Variants in GRIK3 observed in about 807,000 individuals in gnomAD.
The protein encoded by GRIK3 is glutamate receptor ionotropic, kainate 3.
GRIK3 carries 29 observed loss-of-function variants against 102.5 expected under a neutral mutation model. The observed-to-expected ratio is 0.28, with a 90% CI of 0.21 to 0.39. The LOEUF (loss-of-function observed/expected upper bound fraction) is 0.39. GRIK3 is among the 10% of genes least tolerant of loss of function. GRIK3 has a pLI of 1.00. For synonymous variants in GRIK3, 511 were observed against 504.9 expected (o/e 1.01, Z -0.16); for missense variants, 908 against 1,252.4 (o/e 0.73, Z 4.15).
At chr1:36,941,350 A>T (rs1641717175) in intron 1 of GRIK3, among the ~76,000 whole-genome samples, 1 of 152,236 alleles carries the variant, frequency 6.6e-6, no homozygotes, top group South Asian at 2.1e-4. Flanking sequence ...CTGTTGGCTG[A>T]TTCCCTCTTT....
chr1:36,860,008 C>T lies in GRIK3; in HGVS notation c.796G>A (p.Ala266Thr), dbSNP rs116738895. The change falls in exon 6 of 16, where the codon GCT becomes ACT. Residue 266 changes from alanine (A) to threonine (T), a missense_variant. Transcript: ENST00000373091. Reference protein sequence around the residue: ...HFIFTTLDLYALDLEPYRYSG... With the variant: ...HFIFTTLDLYTLDLEPYRYSG... ...TAGCGGTAGGGCTCCAGGTCTAAAG[C>T]GTAGAGATCCTGGATAGAGAGAGGT... 2.6e-4 allele frequency: 421 copies of T among 1,592,114 alleles called. 3 individuals carry two copies. In the African/African-American group the frequency reaches 4.9e-3, roughly 18 times the overall value.
rs770969345 is a variant in GRIK3 at position 36,806,305 on chromosome 1, C to T, written c.2113G>A (p.Glu705Lys). The T allele has an allele frequency of 5.6e-6, 9 of 1,613,448 alleles. No individual in the cohort carries two copies. The highest frequency in any genetic ancestry group is 2.7e-5 in the African/African-American group (2 of 74,926). The change falls in exon 14 of 16, where the codon GAG becomes AAG. Residue 705 changes from glutamate (E) to lysine (K), a missense_variant. Glu to Lys is a moderately conservative substitution (Grantham distance 56, BLOSUM62 1). This residue lies in a region of GRIK3 where 297 missense variants were observed against 362.7 expected (regional missense o/e 0.82). Transcript: ENST00000373091. This position sits in a 1 kb window ranked among gnomAD's most constrained non-coding sequence, Gnocchi z 4.0. ...CTGCTCATGAAGGCCCACATCTTCT[C>T]GAAGGTGGAGATCTTGGATTTCTGG... ...FFKKSKISTF[E>K]KMWAFMSSKP...
chr1:36,821,001 T>C (rs996544142), intron 11 of GRIK3, among the ~76,000 whole-genome samples: 3 of 152,080 alleles, frequency 2.0e-5, no homozygotes, highest in Admixed American at 6.5e-5. Flanking sequence ...TCTAGATTTG[T>C]GGGGGAGGTT....
At chr1:36,804,722 A>C (rs2124175959) in intron 15 of GRIK3, 1 of 553,930 alleles carries the variant, frequency 1.8e-6, no homozygotes, top group South Asian at 2.6e-5. Flanking sequence ...TTGGGGAAGC[A>C]TGGAGGCTGG....
At chr1:36,982,610 C>A (rs1642261532) in intron 1 of GRIK3, among the ~76,000 whole-genome samples, 1 of 152,162 alleles carries the variant, frequency 6.6e-6, no homozygotes, top group South Asian at 2.1e-4. Context: ...TCCCATGGGT[C>A]TGCAGGGAAG....
rs566478411 is a variant in GRIK3, at chr1:36,893,039, T to C, written c.116-1943A>G. Among the ~76,000 whole-genome samples the C allele has an allele frequency of 2.0e-5, 3 of 152,236 alleles. No homozygotes were observed. In the East Asian group the frequency reaches 5.8e-4, roughly 29 times the overall value. On this transcript the variant is annotated intron_variant, in intron 1 of 15. Transcript: ENST00000373091. ...AAATAAATTCCAGATAAATTAAAGA[T>C]TAATGGCAAATGGGTAAGGGGAGGA...
chr1:36,840,939 T>A (rs1640441735), intron 10 of GRIK3, among the ~76,000 whole-genome samples: 1 of 152,056 alleles, frequency 6.6e-6, no homozygotes, highest in Admixed American at 6.6e-5. Context: ...ATGACAACAA[T>A]CGCGTGAGGA....
intron 1 of GRIK3, among the ~76,000 whole-genome samples, chr1:36,904,962 T>C (rs1411941155): frequency 6.6e-6 from 1 of 152,190 alleles, no homozygotes; most frequent in Non-Finnish European, 1.5e-5. Flanking sequence ...CAATTAATAC[T>C]ACTTGCAGAT....
At chr1:36,881,466 A>T (rs571238427) in intron 2 of GRIK3, among the ~76,000 whole-genome samples, 1 of 152,214 alleles carries the variant, frequency 6.6e-6, no homozygotes, top group East Asian at 1.9e-4. Flanking sequence ...CCCTGGACCC[A>T]TATGCCAAAA....
At chr1:36,833,670 T>A (rs1361721731) in intron 10 of GRIK3, among the ~76,000 whole-genome samples, 2 of 152,178 alleles carry the variant, frequency 1.3e-5, no homozygotes, top group Non-Finnish European at 2.9e-5. Context: ...GGGAGGAAGA[T>A]GAGACACAGC....
intron 5 of GRIK3, among the ~76,000 whole-genome samples, chr1:36,860,703 G>C (rs1338474215): frequency 6.6e-6 from 1 of 152,188 alleles, no homozygotes; most frequent in Non-Finnish European, 1.5e-5. Flanking sequence ...GCTGGTGAAG[G>C]AAGGAGGCAG....
At chr1:36,985,086 G>A (rs1199731415) in intron 1 of GRIK3, among the ~76,000 whole-genome samples, 3 of 152,172 alleles carry the variant, frequency 2.0e-5, no homozygotes, top group South Asian at 2.1e-4. Context: ...TCATCCCTAC[G>A]GTGGGGGTCC....
intron 11 of GRIK3, among the ~76,000 whole-genome samples, chr1:36,823,472 C>CAAAAA: frequency 2.6e-5 from 1 of 38,082 alleles, no homozygotes; most frequent in Non-Finnish European, 5.0e-5. Context: ...GACTCCGTCT[C>CAAAAA]AAAAAAAAAA....
intron 1 of GRIK3, among the ~76,000 whole-genome samples, chr1:36,958,416 G>GCC (rs1480973454): frequency 4.7e-5 from 2 of 42,544 alleles, no homozygotes; most frequent in Non-Finnish European, 8.1e-5. Context: ...TGCCCCGTGA[G>GCC]TCTGTGCCCC....
intron 1 of GRIK3, among the ~76,000 whole-genome samples, chr1:36,907,682 G>A (rs75604664): frequency 1.0e-3 from 154 of 152,252 alleles, no homozygotes; most frequent in East Asian, 5.6e-3. Context: ...CATGGTGGGT[G>A]AGAGGCTGCC....
intron 1 of GRIK3, among the ~76,000 whole-genome samples, chr1:36,946,578 A>G (rs1442499702): frequency 6.6e-6 from 1 of 152,230 alleles, no homozygotes; most frequent in Non-Finnish European, 1.5e-5. Flanking sequence ...GGAAGGATCT[A>G]TCTGGGTGGA....
rs1642423702 is a variant in GRIK3, at chr1:36,800,058, G to A, written c.*1793C>T. 1 of 152,226 alleles carries A rather than the reference G, an allele frequency of 6.6e-6. No homozygotes were observed. The highest frequency in any genetic ancestry group is 2.1e-4 in the South Asian group (1 of 4,818). 9.4% of individuals were successfully genotyped at this position (152,226 alleles called of 1,614,324 possible). A position where few individuals can be genotyped will look rare whatever the true frequency, so the allele number is the denominator to read the frequency against. On this transcript the variant is annotated 3_prime_UTR_variant, in exon 16 of 16. Transcript: ENST00000373091. ...CTGCTAGGATTCTGGGAACCTGCTG[G>A]TTTGGTCCTGCAGCTCACAGTCTGG...
intron 5 of GRIK3, among the ~76,000 whole-genome samples, chr1:36,861,217 T>C (rs2124241381): frequency 6.6e-6 from 1 of 152,348 alleles, no homozygotes; most frequent in Middle Eastern, 3.4e-3. Flanking sequence ...TGACGCATGT[T>C]CCTTCTATAT....
chr1:36,841,069 C>T (rs1640443782), intron 10 of GRIK3, among the ~76,000 whole-genome samples: 1 of 152,178 alleles, frequency 6.6e-6, no homozygotes, highest in African/African-American at 2.4e-5. Flanking sequence ...CCTCCTAATT[C>T]CTCCCTTGTG....
Sources: gnomAD v4.1 joint callset for allele counts (sites outside exome capture counted in the v4.1 genomes callset) on GRCh38, gnomAD v4.1.1 for gene constraint, gnomAD v4.1.1 regional missense constraint, Gnocchi (gnomAD v3.1) non-coding constraint, MANE v1.5 for transcripts, NCBI Gene and HGNC (gene_info 2026-07-23, HGNC 2026-07-21) for gene names.